The following ICA1 variants were observed in gnomAD, a reference collection of about 807,000 sequenced individuals.
ICA1 encodes islet cell autoantigen 1.
In ICA1, 40 loss-of-function variants were observed where a neutral mutation model predicts 71.0. The observed-to-expected ratio is 0.56, with a 90% CI of 0.44 to 0.73. ICA1 has a LOEUF of 0.73. Among genes scored for constraint, ICA1 ranks in the 30% least tolerant of loss-of-function variants. The pLI is 0.00. For synonymous variants in ICA1, 207 were observed against 209.5 expected, an observed-to-expected ratio of 0.99 and a Z score of 0.10; for missense variants, 578 against 576.5, an observed-to-expected ratio of 1.00 and a Z score of -0.03.
intron 6 of ICA1, among the ~76,000 whole-genome samples, chr7:8,168,765 T>G (rs1807115123): frequency 6.6e-6 from 1 of 152,118 alleles, no homozygotes; most frequent in African/African-American, 2.4e-5. Context: ...TTCCCTGTTT[T>G]TAGGGGAAAA....
chr7:8,237,835 C>CACACACACAG (rs1554373650), intron 1 of ICA1, among the ~76,000 whole-genome samples: 4 of 151,850 alleles, frequency 2.6e-5, no homozygotes, highest in African/African-American at 9.7e-5. Context: ...CACACACACA[C>CACACACACAG]ACACACACAC....
intron 8 of ICA1, among the ~76,000 whole-genome samples, chr7:8,147,200 G>C (rs755574014): frequency 1.3e-5 from 2 of 151,966 alleles, no homozygotes; most frequent in Non-Finnish European, 2.9e-5. Context: ...CATCCTTTCT[G>C]TCTCCAGCCT....
chr7:8,237,118 C>A (rs3779359), intron 1 of ICA1, among the ~76,000 whole-genome samples: 1 of 152,180 alleles, frequency 6.6e-6, no homozygotes, highest in South Asian at 2.1e-4. Flanking sequence ...TCAGATGCCT[C>A]TGATATGACA....
In ICA1 at chr7:8,157,186, G is replaced by A; in HGVS notation, c.734C>T (p.Thr245Ile). 6.2e-7 allele frequency: 1 copy of A among 1,605,594 alleles called. No individual in the cohort carries two copies. The highest frequency in any genetic ancestry group is 8.5e-7 in the Non-Finnish European group (1 of 1,177,670). ...QTTLLHFWEK[T>I]SHTMAAIHES... ...ATGGATGGCTGCCATAGTGTGAGAAGTTTTCTCCCAAAAATGAAGCAGAGT... is the reference window on the plus strand; with the variant it reads ...ATGGATGGCTGCCATAGTGTGAGAAATTTTCTCCCAAAAATGAAGCAGAGT... Residue 245 changes from threonine to isoleucine, a missense_variant, in exon 8 of 14, where the codon ACT becomes ATT. Coordinates refer to ENST00000402384, the MANE Select transcript of ICA1 (RefSeq NM_001136020.3).
chr7:8,235,439 G>A (rs1321074375), intron 2 of ICA1, among the ~76,000 whole-genome samples: 2 of 152,108 alleles, frequency 1.3e-5, no homozygotes, highest in African/African-American at 4.8e-5. Flanking sequence ...ATTTACTTTT[G>A]ACAATAATTG....
At position 8,127,914 on chromosome 7, in the gene ICA1, A is replaced by G; in HGVS notation, c.1289T>C (p.Leu430Pro). 1 of 1,614,230 alleles carries G rather than the reference A, an allele frequency of 6.2e-7. No homozygotes were observed. Reference protein sequence around the residue: ...QTGSGFLPSQLLDQNMKDLQA... With the variant: ...QTGSGFLPSQPLDQNMKDLQA... The stretch of plus-strand genomic sequence containing the variant: ...TAAGTCTTTCATATTTTGGTCTAAA[A>G]GCTGCGAAGGAAGGAAACCTGAGCC... The change falls in exon 13 of 14, where the codon CTT (leucine) becomes CCT (proline). Residue 430 changes from leucine to proline, a missense_variant. Physicochemically the swap from Leu to Pro is moderately conservative, Grantham distance 98. Coordinates refer to ENST00000402384, the MANE Select transcript of ICA1 (RefSeq NM_001136020.3).
chr7:8,224,204 G>C (rs1797929388), intron 4 of ICA1, among the ~76,000 whole-genome samples: 1 of 152,168 alleles, frequency 6.6e-6, no homozygotes, highest in South Asian at 2.1e-4. Flanking sequence ...ATCAGGGAAG[G>C]CATCTCTGAG....
At chr7:8,120,051 C>A (rs1012885165) in intron 13 of ICA1, among the ~76,000 whole-genome samples, 1 of 152,122 alleles carries the variant, frequency 6.6e-6, no homozygotes, top group Non-Finnish European at 1.5e-5. Context: ...GATTTGGAGG[C>A]TTCTCTGCAG....
At chr7:8,126,280 G>C (rs1295268931) in intron 13 of ICA1, among the ~76,000 whole-genome samples, 2 of 152,150 alleles carry the variant, frequency 1.3e-5, no homozygotes, top group Non-Finnish European at 2.9e-5. Flanking sequence ...TTGAGGATCT[G>C]GGCTCTGCCT....
At chr7:8,201,410 C>T (rs1789633273) in intron 6 of ICA1, among the ~76,000 whole-genome samples, 1 of 152,106 alleles carries the variant, frequency 6.6e-6, no homozygotes, top group Non-Finnish European at 1.5e-5. Flanking sequence ...CAAATCCTGC[C>T]CACCCGTTTC....
rs543811300 is a variant in ICA1 at position 8,215,049 on chromosome 7, A to G, written c.579+3256T>C. Among the ~76,000 whole-genome samples the G allele has an allele frequency of 2.0e-5, 3 of 152,072 alleles. No homozygotes were observed. The South Asian group carries it at 6.2e-4, about 31-fold the overall frequency. Reference sequence around the variant, plus strand: ...ATCCGGGTTTGTGTAAAAGCCTCCCAGTAGTTCTCCCAGCCTCCAAGCTTA... The same window carrying G: ...ATCCGGGTTTGTGTAAAAGCCTCCCGGTAGTTCTCCCAGCCTCCAAGCTTA... On this transcript the variant is annotated intron_variant, in intron 6 of 13. Transcript: ENST00000402384.
intron 6 of ICA1, among the ~76,000 whole-genome samples, chr7:8,160,072 A>G (rs1803194289): frequency 1.3e-5 from 2 of 152,202 alleles, no homozygotes; most frequent in African/African-American, 4.8e-5. Flanking sequence ...CCTGGCGCAA[A>G]GCAGGTACTG....
intron 3 of ICA1, among the ~76,000 whole-genome samples, chr7:8,232,343 G>A (rs75879454): frequency 0.14 from 21,339 of 152,172 alleles, 3,713 homozygotes; most frequent in African/African-American, 0.41. Context: ...CCCAAGAAAC[G>A]CTTACTGAGA....
chr7:8,148,612 A>G (rs1014519553), intron 8 of ICA1, among the ~76,000 whole-genome samples: 1 of 152,212 alleles, frequency 6.6e-6, no homozygotes, highest in Non-Finnish European at 1.5e-5. Flanking sequence ...ACAGTTTCCC[A>G]AGAACAAACT....
chr7:8,140,371 G>A (rs1425693443), intron 10 of ICA1, among the ~76,000 whole-genome samples: 3 of 152,156 alleles, frequency 2.0e-5, no homozygotes, highest in African/African-American at 7.2e-5. Context: ...AGGTCCTCCT[G>A]TGCCCATAAC....
chr7:8,259,856 GT>G lies in ICA1; in HGVS notation c.-80+2237del, dbSNP rs373707584. Among the ~76,000 whole-genome samples the G allele has an allele frequency of 3.8e-3, 578 of 152,300 alleles. 2 individuals carry two copies. Among genetic ancestry groups the G allele is most frequent in the African/African-American group, 0.013 (555 of 41,560 alleles). ...AAAGCGGGGGAAAAGTGTTTTTTGA[GT>G]TTAAAGTTCTGCTGAGGCAGATTGC... On this transcript the variant is annotated intron_variant, in intron 1 of 13. Coordinates refer to ENST00000402384, the MANE Select transcript of ICA1 (RefSeq NM_001136020.3).
At chr7:8,188,037 G>C (rs1021596062) in intron 6 of ICA1, among the ~76,000 whole-genome samples, 2 of 152,230 alleles carry the variant, frequency 1.3e-5, no homozygotes, top group Admixed American at 6.5e-5. Flanking sequence ...TCACTGCAGA[G>C]ACTGAGTTCC....
At chr7:8,141,568 C>CCA (rs1465438297) in intron 10 of ICA1, among the ~76,000 whole-genome samples, 197 bp downstream of exon 10, 1 of 152,196 alleles carries the variant, frequency 6.6e-6, no homozygotes, top group Non-Finnish European at 1.5e-5. Context: ...CAATACACAG[C>CCA]CTCTCTCAGT....
intron 10 of ICA1, among the ~76,000 whole-genome samples, chr7:8,140,286 G>A (rs1407142431): frequency 6.6e-6 from 1 of 152,088 alleles, no homozygotes; most frequent in Non-Finnish European, 1.5e-5. Context: ...ACAAGAGCAG[G>A]CCCAGCTGCT....
Sources: allele counts gnomAD v4.1 joint callset (sites outside exome capture counted in the v4.1 genomes callset), GRCh38; gene constraint gnomAD v4.1.1; transcripts MANE v1.5; gene names NCBI Gene and HGNC (gene_info 2026-07-23, HGNC 2026-07-21).